Variants in SHISA9 observed in about 807,000 individuals in gnomAD.
SHISA9 encodes the protein protein shisa-9.
A neutral mutation model predicts 38.0 loss-of-function variants in SHISA9; 13 were observed. The ratio of observed to expected loss-of-function variants is 0.34; its 90% CI spans 0.22 to 0.54. The LOEUF (loss-of-function observed/expected upper bound fraction) is 0.54. SHISA9 is among the 20% of genes least tolerant of loss of function. The pLI is 0.91. For synonymous variants in SHISA9, 275 were observed against 242.0 expected, an observed-to-expected ratio of 1.14 and a Z score of -1.27; for missense variants, 538 against 575.8, an observed-to-expected ratio of 0.93 and a Z score of 0.67.
chr16:13,174,425 G>A (rs185931603), intron 2 of SHISA9, among the ~76,000 whole-genome samples: 151 of 152,264 alleles, frequency 9.9e-4, no homozygotes, highest in African/African-American at 3.3e-3. Flanking sequence ...GGGAGTTAAG[G>A]AGCTGTAAGC....
At chr16:13,162,601 T>C (rs1489183861) in intron 2 of SHISA9, among the ~76,000 whole-genome samples, 1 of 152,136 alleles carries the variant, frequency 6.6e-6, no homozygotes, top group Non-Finnish European at 1.5e-5. Context: ...CTATGGCAAA[T>C]GGAACGGGAA....
At chr16:13,410,423 A>G in the SHISA9 span, among the ~76,000 whole-genome samples, 36 of 152,336 alleles carry the variant, frequency 2.4e-4, no homozygotes, top group East Asian at 2.5e-3. Flanking sequence ...AGTTCTTTTC[A>G]TAAATGATAC....
chr16:13,098,863 C>T (rs1395031727), intron 2 of SHISA9, among the ~76,000 whole-genome samples: 1 of 152,220 alleles, frequency 6.6e-6, no homozygotes, highest in Non-Finnish European at 1.5e-5. Flanking sequence ...TCTTGGGCAA[C>T]CCCCTTTGTC....
At chr16:12,941,756 C>T (rs1158258332) in intron 2 of SHISA9, among the ~76,000 whole-genome samples, 1 of 152,112 alleles carries the variant, frequency 6.6e-6, no homozygotes, top group Non-Finnish European at 1.5e-5. Context: ...GAGGCTGAGG[C>T]AGAAGAGTCG....
At chr16:13,470,755 A>G in the SHISA9 span, among the ~76,000 whole-genome samples, 1 of 152,164 alleles carries the variant, frequency 6.6e-6, no homozygotes, top group Admixed American at 6.5e-5. Context: ...AAAACATATT[A>G]ACCAAACACA....
At chr16:13,116,217 T>C (rs1191848235) in intron 2 of SHISA9, among the ~76,000 whole-genome samples, 5 of 152,150 alleles carry the variant, frequency 3.3e-5, no homozygotes, top group Admixed American at 1.3e-4. Flanking sequence ...CCTTGTTAAG[T>C]TGGCAGAGAA....
chr16:13,011,064 A>T (rs1279341429), intron 2 of SHISA9, among the ~76,000 whole-genome samples: 1 of 152,194 alleles, frequency 6.6e-6, no homozygotes, highest in Non-Finnish European at 1.5e-5. Flanking sequence ...TGAGCACCTA[A>T]TACGGGCAGC....
At chr16:13,235,005 T>A in intron 4 of SHISA9, 25 bp from the exon 5 acceptor site, 1 of 1,513,184 alleles carries the variant, frequency 6.6e-7, no homozygotes, top group East Asian at 2.5e-5. Context: ...CTTCCCCTTC[T>A]TCATCCACCC....
chr16:13,270,778 A>G, the SHISA9 span, among the ~76,000 whole-genome samples: 3 of 152,242 alleles, frequency 2.0e-5, no homozygotes. Flanking sequence ...TTTCTGTCTT[A>G]TTAATCAAGA....
chr16:13,098,230 T>A (rs2073846002), intron 2 of SHISA9, among the ~76,000 whole-genome samples: 1 of 152,158 alleles, frequency 6.6e-6, no homozygotes, highest in South Asian at 2.1e-4. Context: ...AAGCAACAAC[T>A]TCTTTGAACT....
chr16:13,001,931 C>T (rs2072531178), intron 2 of SHISA9, among the ~76,000 whole-genome samples: 1 of 152,148 alleles, frequency 6.6e-6, no homozygotes, highest in African/African-American at 2.4e-5. Context: ...GAAGTTAGGT[C>T]ATGTGTATTG....
chr16:13,015,886 C>CTTTCTTTCTTTCTTTCTTTCTT (rs2072743167), intron 2 of SHISA9, among the ~76,000 whole-genome samples: 10 of 113,336 alleles, frequency 8.8e-5, no homozygotes, highest in Non-Finnish European at 1.4e-4. Flanking sequence ...TTCTTTCTTT[C>CTTTCTTTCTTTCTTTCTTTCTT]TTTCTTTCTT....
intron 1 of SHISA9, among the ~76,000 whole-genome samples, chr16:12,907,042 C>A (rs951965116): frequency 2.5e-5 from 2 of 79,804 alleles, no homozygotes; most frequent in African/African-American, 5.8e-5. Context: ...CTCCATCCCC[C>A]TTCCCCCTTC....
chr16:13,198,758 A>G (rs2050975048), intron 2 of SHISA9, among the ~76,000 whole-genome samples: 1 of 152,216 alleles, frequency 6.6e-6, no homozygotes, highest in African/African-American at 2.4e-5. Flanking sequence ...GGATTTTAAT[A>G]TTTCTGAATA....
At chr16:13,517,414 C>T in the SHISA9 span, among the ~76,000 whole-genome samples, 13 of 152,158 alleles carry the variant, frequency 8.5e-5, no homozygotes, top group African/African-American at 3.1e-4. Context: ...ATGGTTAGGT[C>T]ACAAATGTGC....
the SHISA9 span, among the ~76,000 whole-genome samples, chr16:13,394,803 T>C: frequency 6.6e-6 from 1 of 152,210 alleles, no homozygotes; most frequent in Non-Finnish European, 1.5e-5. Flanking sequence ...TCAGGACGAA[T>C]GAGAGGCAGC....
intron 2 of SHISA9, among the ~76,000 whole-genome samples, chr16:13,090,979 T>G (rs1219006232): frequency 1.3e-5 from 2 of 152,230 alleles, no homozygotes; most frequent in Non-Finnish European, 2.9e-5. Flanking sequence ...TCAAAACCCT[T>G]GTAAGGCAGG....
chr16:13,202,541 T>A lies in SHISA9; in HGVS notation c.692-853T>A, dbSNP rs2051015784. ...ATAGGTTATATTACTTAACAAAAAA[T>A]GCTATACTATTTGCTTTCCTTTAAA... On this transcript the variant is annotated intron_variant, in intron 2 of 4. Transcript: ENST00000558583. Among the ~76,000 whole-genome samples the A allele has an allele frequency of 1.4e-5, 2 of 138,050 alleles. 1 individual carries two copies. Among genetic ancestry groups the A allele is most frequent in the Non-Finnish European group, 3.2e-5 (2 of 62,914 alleles). 90.6% of individuals were successfully genotyped at this position (138,050 alleles called of 152,430 possible).
At chr16:13,511,380 G>T in the SHISA9 span, among the ~76,000 whole-genome samples, 1 of 152,240 alleles carries the variant, frequency 6.6e-6, no homozygotes, top group Admixed American at 6.5e-5. Flanking sequence ...AATGAATATT[G>T]TTTACCTATT....
Sources: gnomAD v4.1 joint callset for allele counts (sites outside exome capture counted in the v4.1 genomes callset) on GRCh38, gnomAD v4.1.1 for gene constraint, MANE v1.5 for transcripts, NCBI Gene and HGNC (gene_info 2026-07-23, HGNC 2026-07-21) for gene names.